Variants in LMF2 observed in about 807,000 individuals in gnomAD.
LMF2 encodes the protein transmembrane protein 112B.
Under a neutral mutation model 81.5 loss-of-function variants are expected in LMF2, and 113 were observed. That is an observed-to-expected ratio of 1.39 (90% CI 1.19 to 1.62). The LOEUF (loss-of-function observed/expected upper bound fraction) is 1.62. Ranked by LOEUF, LMF2 falls within the 40% of genes most tolerant of loss-of-function variation. LMF2 has a pLI of 0.00. For synonymous variants in LMF2, 645 were observed against 424.5 expected, an observed-to-expected ratio of 1.52 and a Z score of -6.39; for missense variants, 1,235 against 929.1, an observed-to-expected ratio of 1.33 and a Z score of -4.28.
At position 50,503,212 on chromosome 22, in the gene LMF2, C is replaced by G. The variant is rs947785382; in HGVS notation, c.*179G>C. The G allele has an allele frequency of 1.7e-6, 1 of 584,596 alleles. No individual in the cohort carries two copies. Among genetic ancestry groups the G allele is most frequent in the Non-Finnish European group, 2.9e-6 (1 of 345,462 alleles). 36.2% of individuals were successfully genotyped at this position (584,596 alleles called of 1,614,324 possible). ...GAGTCCTGGGGAGGGGCATGGCTGGCGTGGGGGTGGGGCCTGGAGCCCTCA... is the reference window on the plus strand; with the variant it reads ...GAGTCCTGGGGAGGGGCATGGCTGGGGTGGGGGTGGGGCCTGGAGCCCTCA... On this transcript the variant is annotated 3_prime_UTR_variant, in exon 14 of 14. Coordinates refer to ENST00000474879, the MANE Select transcript of LMF2 (RefSeq NM_033200.3).
rs13056405 is a variant in LMF2 at position 50,503,692 on chromosome 22, C to T, written c.1823G>A (p.Ser608Asn). Reference sequence around the variant, plus strand: ...GTTGGCGCTGCGGGTGCGAGGTGGGCTTTTCTCCTGTGGGAGGGAGGGAGG... The same window carrying T: ...GTTGGCGCTGCGGGTGCGAGGTGGGTTTTTCTCCTGTGGGAGGGAGGGAGG... ...LLRQFGLQEK[S>N]PPRTRSANST... is the part of the protein sequence containing the mutation. Residue 608 changes from serine (S) to asparagine (N), a missense_variant, in exon 14 of 14, where the codon AGC becomes AAC. Ser to Asn is a conservative substitution (Grantham distance 46). Transcript: ENST00000474879. 0.35 allele frequency: 323,409 copies of T among 922,928 alleles called. 34,888 individuals are homozygous for T. The highest frequency in any genetic ancestry group is 0.41 in the Non-Finnish European group (258,606 of 628,232). The allele number at this position is 922,928 out of a possible 1,614,324, so 57.2% of individuals were successfully genotyped here.
rs140269914 is a variant in LMF2, at chr22:50,506,841, G to C, written c.289C>G (p.Pro97Ala). 2 of 1,601,650 alleles carry C rather than the reference G, an allele frequency of 1.2e-6. No homozygotes were observed. Among genetic ancestry groups the C allele is most frequent in the Non-Finnish European group, 1.7e-6 (2 of 1,174,360 alleles). The stretch of plus-strand genomic sequence containing the variant: ...AAGTAGATGACAGGGTGGCGCAGTG[G>C]GCTCAGCAGCAGGGCTCCCAGGGCC... ...LVALGALLLS[P>A]LRHPVIYLLL... is the part of the protein sequence containing the mutation. The change falls in exon 2 of 14, where the codon CCA (proline) becomes GCA (alanine). Residue 97 changes from proline to alanine, a missense_variant. Physicochemically the swap from Pro to Ala is conservative, Grantham distance 27. Coordinates refer to ENST00000474879, the MANE Select transcript of LMF2 (RefSeq NM_033200.3).
chr22:50,506,488 AG>A lies in LMF2; in HGVS notation c.391del (p.Leu131Ter). 6.4e-7 allele frequency: 1 copy of A among 1,556,048 alleles called. No homozygotes were observed. The highest frequency in any genetic ancestry group is 8.7e-7 in the Non-Finnish European group (1 of 1,152,640). On this transcript the variant is annotated frameshift_variant, in exon 4 of 14. Coordinates refer to ENST00000474879, the MANE Select transcript of LMF2 (RefSeq NM_033200.3). LOFTEE classifies it high-confidence loss of function. ...CAGCACGGCCAGGAAGCCAGTCTCT[AG>A]CAGCAGGGAGTCCCTATGGGGAGAG... The part of the protein sequence containing the change: ...FLYFQWDSLL[L>X]ETGFLAVLVA...
Position 50,506,311 on chromosome 22 carries a change from C to A in LMF2, c.569G>T (p.Arg190Leu), listed in dbSNP as rs1361641289. ...AGTGAGCCCCCACCACGCAGGGCAG[C>A]GGCTGGTCAGCTTGACCACGCCTGA... ...FASGVVKLTS[R>L]CPAWWGLTAL... The change falls in exon 4 of 14, where the codon CGC (arginine) becomes CTC (leucine). Residue 190 changes from arginine (R) to leucine (L), a missense_variant. Physicochemically the swap from Arg to Leu is moderately radical, Grantham distance 102 (BLOSUM62 -2). Coordinates refer to ENST00000474879, the MANE Select transcript of LMF2 (RefSeq NM_033200.3). The A allele has an allele frequency of 1.3e-6, 2 of 1,549,370 alleles. No homozygotes were observed. The highest frequency in any genetic ancestry group is 2.7e-5 in the African/African-American group (2 of 73,036).
rs1045024792 is a variant in LMF2, at chr22:50,506,204, T to C, written c.605A>G (p.Tyr202Cys). Residue 202 changes from tyrosine (Y) to cysteine (C), a missense_variant, in exon 5 of 14, where the codon TAC becomes TGC. Tyr to Cys is a radical substitution (Grantham distance 194). Transcript: ENST00000474879. ...GGGCAGGCACTGGGTCTCGTAGTGG[T>C]AGGTGAGGGCTGCAGGCGAGGGCAG... is the stretch of plus-strand genomic sequence containing the variant. Reference protein sequence around the residue: ...PAWWGLTALTYHYETQCLPTP... With the variant: ...PAWWGLTALTCHYETQCLPTP... 3 of 1,556,362 alleles carry C rather than the reference T, an allele frequency of 1.9e-6. No individual in the cohort carries two copies. The highest frequency in any genetic ancestry group is 2.7e-5 in the African/African-American group (2 of 73,464).
chr22:50,503,829 C>T lies in LMF2; in HGVS notation c.1794G>A (p.Leu598=). ...VSLGDPTLET[L]LRQFGLQEKS... Reference sequence around the variant, plus strand: ...TTACCTGTAGTCCAAACTGCCTGAGCAGCGTCTCCAGCGTGGGGTCCCCCA... The same window carrying T: ...TTACCTGTAGTCCAAACTGCCTGAGTAGCGTCTCCAGCGTGGGGTCCCCCA... Residue 598 remains leucine (L), a synonymous_variant, in exon 13 of 14, where the codon CTG becomes CTA. Transcript: ENST00000474879. The T allele has an allele frequency of 6.2e-7, 1 of 1,605,618 alleles. No individual in the cohort carries two copies. The highest frequency in any genetic ancestry group is 8.5e-7 in the Non-Finnish European group (1 of 1,179,374).
chr22:50,506,146 C>T lies in LMF2; in HGVS notation c.663G>A (p.Pro221=), dbSNP rs1394115850. Residue 221 remains proline (P), a synonymous_variant, in exon 5 of 14, where the codon CCG becomes CCA. Coordinates refer to ENST00000474879, the MANE Select transcript of LMF2 (RefSeq NM_033200.3). ...CCACGCTGAGCTTGTGCAGCCAGAC[C>T]GGCAGGTGGTGTGCGAACCAGGCGG... ...TPAAWFAHHL[P]VWLHKLSVVA... is the part of the protein sequence containing the mutation. 1.1e-5 allele frequency: 17 copies of T among 1,571,574 alleles called. No individual in the cohort carries two copies. The highest frequency in any genetic ancestry group is 2.3e-5 in the South Asian group (2 of 85,940).
intron 6 of LMF2, 37 bp downstream of exon 6, chr22:50,505,637 C>T (rs550195802): frequency 1.9e-6 from 3 of 1,611,812 alleles, no homozygotes; most frequent in East Asian, 2.2e-5. Flanking sequence ...AGGGGAGAAC[C>T]CCTGGGAGGG....
intron 13 of LMF2, 41 bp downstream of exon 13, chr22:50,503,767 C>G (rs375666297): frequency 5.0e-5 from 79 of 1,590,070 alleles, no homozygotes; most frequent in Non-Finnish European, 6.4e-5. Context: ...AGGCTGGGGT[C>G]ACCCCTGCCA....
At chr22:50,507,456 C>A in intron 1 of LMF2, 126 bp downstream of exon 1, 1 of 777,100 alleles carries the variant, frequency 1.3e-6, no homozygotes, top group Non-Finnish European at 2.2e-6. Context: ...GAACCGCCGC[C>A]CCCTACCCCA....
rs1241303589 is a variant in LMF2 at position 50,503,686 on chromosome 22, GGTGGGCTTTTCTCCT to G, written c.1816-2_1828del. 12 of 1,591,138 alleles carry G rather than the reference GGTGGGCTTTTCTCCT, an allele frequency of 7.5e-6. No individual in the cohort carries two copies. In the African/African-American group the frequency reaches 1.3e-4, roughly 18 times the overall value. ...GGTGCTGTTGGCGCTGCGGGTGCGA[GGTGGGCTTTTCTCCT>G]GTGGGAGGGAGGGAGGGAGGGAGGT... On this transcript the variant is annotated splice_acceptor_variant and coding_sequence_variant, in exon 14 of 14. Coordinates refer to ENST00000474879, the MANE Select transcript of LMF2 (RefSeq NM_033200.3). LOFTEE classifies it high-confidence loss of function.
In LMF2 at chr22:50,503,796, A is replaced by C; in HGVS notation, c.1815+12T>G. 4 of 1,602,586 alleles carry C rather than the reference A, an allele frequency of 2.5e-6. No individual in the cohort carries two copies. The highest frequency in any genetic ancestry group is 3.4e-6 in the Non-Finnish European group (4 of 1,178,102). On this transcript the variant is annotated intron_variant, in intron 13 of 13. Coordinates refer to ENST00000474879, the MANE Select transcript of LMF2 (RefSeq NM_033200.3). ...CCTGCCACCTCCCCCAGCCTGGCTG[A>C]CACCCCCTTACCTGTAGTCCAAACT...
chr22:50,507,044 G>A lies in LMF2; in HGVS notation c.95-9C>T. The A allele has an allele frequency of 6.3e-7, 1 of 1,585,168 alleles. No individual in the cohort carries two copies. Among genetic ancestry groups the A allele is most frequent in the Non-Finnish European group, 8.5e-7 (1 of 1,172,094 alleles). On this transcript the variant is annotated splice_polypyrimidine_tract_variant and intron_variant, in intron 1 of 13. Transcript: ENST00000474879. Reference sequence around the variant, plus strand: ...CTCGGGGCCATACAGGCCTGTGGGAGGGCATGTCATGGCCAGGCCCTGGAC... The same window carrying A: ...CTCGGGGCCATACAGGCCTGTGGGAAGGCATGTCATGGCCAGGCCCTGGAC...
At position 50,503,707 on chromosome 22, in the gene LMF2, A is replaced by AG; in HGVS notation, c.1816-9dup. The stretch of plus-strand genomic sequence containing the variant: ...GCGAGGTGGGCTTTTCTCCTGTGGG[A>AG]GGGAGGGAGGGAGGGAGGTTGGGGA... On this transcript the variant is annotated splice_polypyrimidine_tract_variant and intron_variant, in intron 13 of 13. Coordinates refer to ENST00000474879, the MANE Select transcript of LMF2 (RefSeq NM_033200.3). 2.0e-6 allele frequency: 1 copy of AG among 503,824 alleles called. No homozygotes were observed. Among genetic ancestry groups the AG allele is most frequent in the Non-Finnish European group, 3.5e-6 (1 of 287,608 alleles). 31.2% of individuals were successfully genotyped at this position (503,824 alleles called of 1,614,324 possible).
At position 50,503,585 on chromosome 22, in the gene LMF2, T is replaced by C. The variant is rs1166912368; in HGVS notation, c.1930A>G (p.Met644Val). The C allele has an allele frequency of 2.6e-6, 4 of 1,545,996 alleles. No individual in the cohort carries two copies. The highest frequency in any genetic ancestry group is 1.2e-5 in the South Asian group (1 of 81,956). ...EAPALLWGLL[M>V]AVGAVRFVQA... ...ACAAATCTGACAGCCCCCACGGCCA[T>C]GAGGAGCCCCCAGAGCAGGGCGGGG... Residue 644 changes from methionine (M) to valine (V), a missense_variant, in exon 14 of 14, where the codon ATG becomes GTG. Transcript: ENST00000474879.
At chr22:50,507,360 G>A in intron 1 of LMF2, 1 of 607,348 alleles carries the variant, frequency 1.6e-6, no homozygotes, top group Non-Finnish European at 2.9e-6. Context: ...TCAGAGTTCT[G>A]TCCCCCACCC....
At position 50,506,888 on chromosome 22, in the gene LMF2, A is replaced by C; in HGVS notation, c.242T>G (p.Leu81Arg). Residue 81 changes from leucine (L) to arginine (R), a missense_variant, in exon 2 of 14, where the codon CTG becomes CGG. Transcript: ENST00000474879. ...GGCCACTAGTGCACCCAGCAGGCTC[A>C]GCAGCTCCAGGCCCTGGGCCGTGTC... ...GLDTAQGLELLSLLGALVALG... is the reference protein window; with the variant it reads ...GLDTAQGLELRSLLGALVALG... The C allele has an allele frequency of 6.3e-7, 1 of 1,585,638 alleles. No homozygotes were observed.
rs1569517926 is a variant in LMF2, at chr22:50,503,882, CCCACTGGCGCCGCCA to C, written c.1726_1740del (p.Trp576_Trp580del). 2 of 1,605,250 alleles carry C rather than the reference CCCACTGGCGCCGCCA, an allele frequency of 1.2e-6. No homozygotes were observed. The highest frequency in any genetic ancestry group is 8.5e-7 in the Non-Finnish European group (1 of 1,179,330). On this transcript the variant is annotated inframe_deletion, in exon 13 of 14. Transcript: ENST00000474879. ...GACACGGATGGGAAGAACTCCTCCACCCACTGGCGCCGCCACCACTGGCTGCAGCAGGACCCGATG... is the reference window on the plus strand; with the variant it reads ...GACACGGATGGGAAGAACTCCTCCACCCACTGGCTGCAGCAGGACCCGATG...
chr22:50,505,474 A>G lies in LMF2; in HGVS notation c.980T>C (p.Leu327Pro). The stretch of plus-strand genomic sequence containing the variant: ...AAAGTAGTGCACAGTGCCATAGGCC[A>G]GAAGCCCGTAGACGGCTAGTTCCAG... ...LLLELAVYGL[L>P]AYGTVHYFGL... Residue 327 changes from leucine to proline, a missense_variant, in exon 7 of 14, where the codon CTG becomes CCG. Transcript: ENST00000474879. The G allele has an allele frequency of 6.2e-7, 1 of 1,612,976 alleles. No individual in the cohort carries two copies. Among genetic ancestry groups the G allele is most frequent in the Non-Finnish European group, 8.5e-7 (1 of 1,180,026 alleles).
Sources: allele counts gnomAD v4.1 joint callset, GRCh38; gene constraint gnomAD v4.1.1; transcripts MANE v1.5; gene names NCBI Gene and HGNC (gene_info 2026-07-23, HGNC 2026-07-21).